Variants in PPP1R14C observed in about 807,000 individuals in gnomAD.
PPP1R14C encodes the protein protein phosphatase 1 regulatory inhibitor subunit 14C, also known as protein phosphatase 1 regulatory subunit 14C.
PPP1R14C carries 16 observed loss-of-function variants against 20.4 expected under a neutral mutation model. That is an observed-to-expected ratio of 0.78 (90% CI 0.53 to 1.19). PPP1R14C has a LOEUF of 1.19. Among genes scored for constraint, PPP1R14C ranks in the 50% most tolerant of loss-of-function variants. The probability of loss-of-function intolerance (pLI) is 0.00; values close to 1 mark genes in which losing one functional copy is unlikely to be tolerated. For synonymous variants in PPP1R14C, 91 were observed against 91.0 expected (o/e 1.00, Z 0.00); for missense variants, 211 against 220.1 (o/e 0.96, Z 0.26).
intron 1 of PPP1R14C, among the ~76,000 whole-genome samples, chr6:150,173,784 C>A (rs1300344210): frequency 6.6e-6 from 1 of 152,154 alleles, no homozygotes; most frequent in Non-Finnish European, 1.5e-5. Context: ...GGTCACTCAG[C>A]CAGGACATGG....
chr6:150,220,265 T>C (rs1027253054), intron 3 of PPP1R14C, among the ~76,000 whole-genome samples: 5 of 152,196 alleles, frequency 3.3e-5, no homozygotes, highest in Non-Finnish European at 7.3e-5. Flanking sequence ...AAAATGTCAA[T>C]GTTTGGTTCT....
intron 3 of PPP1R14C, among the ~76,000 whole-genome samples, chr6:150,235,228 A>G (rs1171763230): frequency 6.6e-6 from 1 of 152,196 alleles, no homozygotes; most frequent in East Asian, 1.9e-4. Context: ...AGCTAGGACT[A>G]TAGGTGCGCA....
At chr6:150,195,241 G>A in intron 1 of PPP1R14C, 4 of 811,180 alleles carry the variant, frequency 4.9e-6, no homozygotes, top group Non-Finnish European at 6.0e-6. Context: ...GTATATGTGT[G>A]TGTGTGGATA....
intron 1 of PPP1R14C, among the ~76,000 whole-genome samples, chr6:150,212,992 A>T (rs923673399): frequency 7.2e-5 from 11 of 152,132 alleles, no homozygotes; most frequent in African/African-American, 2.7e-4. Flanking sequence ...AAGCGTTTCA[A>T]CTTCCTGTTT....
At chr6:150,187,317 TA>T (rs1777689631) in intron 1 of PPP1R14C, among the ~76,000 whole-genome samples, 1 of 150,964 alleles carries the variant, frequency 6.6e-6, no homozygotes, top group Non-Finnish European at 1.5e-5. Flanking sequence ...CTTCAACTTT[TA>T]AGTTCGGGGT....
chr6:150,153,807 C>A (rs1000977585), intron 1 of PPP1R14C, among the ~76,000 whole-genome samples: 6 of 152,206 alleles, frequency 3.9e-5, no homozygotes, highest in African/African-American at 1.4e-4. Flanking sequence ...ACAGCTTCTT[C>A]ATTTTGAAAG....
chr6:150,234,036 G>A (rs953019642), intron 3 of PPP1R14C, among the ~76,000 whole-genome samples: 14 of 152,184 alleles, frequency 9.2e-5, no homozygotes, highest in African/African-American at 2.9e-4. Context: ...GAGAGTGTGC[G>A]AATTCCCACG....
intron 3 of PPP1R14C, among the ~76,000 whole-genome samples, chr6:150,234,890 G>A (rs1187378276): frequency 8.3e-5 from 12 of 145,072 alleles, no homozygotes; most frequent in African/African-American, 1.6e-4. Context: ...ATCAAACTGC[G>A]GACGCACACA....
intron 1 of PPP1R14C, among the ~76,000 whole-genome samples, chr6:150,171,812 T>G (rs917084157): frequency 6.6e-6 from 1 of 152,168 alleles, no homozygotes; most frequent in African/African-American, 2.4e-5. Flanking sequence ...CTTTTTTTCT[T>G]TTTTCTTTTT....
At chr6:150,192,282 G>A (rs1392920555) in intron 1 of PPP1R14C, among the ~76,000 whole-genome samples, 3 of 152,138 alleles carry the variant, frequency 2.0e-5, no homozygotes, top group Non-Finnish European at 4.4e-5. Context: ...TTGGCATCAG[G>A]GGCTAGTTTC....
intron 1 of PPP1R14C, among the ~76,000 whole-genome samples, chr6:150,186,343 C>T (rs1176292383): frequency 2.0e-5 from 3 of 152,066 alleles, no homozygotes; most frequent in South Asian, 2.1e-4. Context: ...AAATGCCCTG[C>T]GTAATTTAGA....
At chr6:150,208,511 A>G (rs1027062949) in intron 1 of PPP1R14C, among the ~76,000 whole-genome samples, 3 of 152,182 alleles carry the variant, frequency 2.0e-5, no homozygotes, top group Non-Finnish European at 2.9e-5. Flanking sequence ...TTAAATACAT[A>G]CCACTTAAAA....
At chr6:150,189,381 C>A (rs909782384) in intron 1 of PPP1R14C, among the ~76,000 whole-genome samples, 1 of 152,198 alleles carries the variant, frequency 6.6e-6, no homozygotes, top group African/African-American at 2.4e-5. Flanking sequence ...CCACCCCAGA[C>A]AGGGATCATA....
At chr6:150,152,119 CAAAAAAAAAA>C (rs577869928) in intron 1 of PPP1R14C, among the ~76,000 whole-genome samples, 3 of 84,948 alleles carry the variant, frequency 3.5e-5, no homozygotes, top group African/African-American at 1.1e-4. Flanking sequence ...GACTCCGTCT[CAAAAAAAAAA>C]AAAAAAAAAA....
chr6:150,209,991 A>G (rs974997731), intron 1 of PPP1R14C, among the ~76,000 whole-genome samples: 7 of 151,268 alleles, frequency 4.6e-5, no homozygotes, highest in Non-Finnish European at 1.0e-4. Flanking sequence ...GTCTGTGTAT[A>G]TATTTGTGTA....
intron 1 of PPP1R14C, among the ~76,000 whole-genome samples, chr6:150,145,436 T>C (rs1777170908): frequency 6.6e-6 from 1 of 152,234 alleles, no homozygotes; most frequent in Non-Finnish European, 1.5e-5. Flanking sequence ...GTTTGTTCAG[T>C]CATTGTAGGC....
intron 1 of PPP1R14C, among the ~76,000 whole-genome samples, chr6:150,154,221 A>T (rs745911735): frequency 2.6e-5 from 4 of 152,244 alleles, no homozygotes; most frequent in Non-Finnish European, 2.9e-5. Context: ...AGGAAGTCAG[A>T]TCTTAAGTAA....
At chr6:150,158,450 G>A (rs1303710106) in intron 1 of PPP1R14C, among the ~76,000 whole-genome samples, 1 of 152,132 alleles carries the variant, frequency 6.6e-6, no homozygotes, top group Non-Finnish European at 1.5e-5. Flanking sequence ...TTGTTGGGTT[G>A]CTTCAAGAGA....
intron 1 of PPP1R14C, among the ~76,000 whole-genome samples, chr6:150,192,804 C>T (rs1777761754): frequency 6.6e-6 from 1 of 152,138 alleles, no homozygotes; most frequent in African/African-American, 2.4e-5. Flanking sequence ...GGCTGGTTTT[C>T]CACGATGGTT....
Sources: allele counts gnomAD v4.1 joint callset (sites outside exome capture counted in the v4.1 genomes callset), GRCh38; gene constraint gnomAD v4.1.1; transcripts MANE v1.5; gene names NCBI Gene and HGNC (gene_info 2026-07-23, HGNC 2026-07-21).